EDA: variants seen among roughly 807,000 people sequenced by gnomAD.
The protein encoded by EDA is ectodysplasin A, also known as ectodysplasin-A.
Under a neutral mutation model 23.6 loss-of-function variants are expected in EDA, and 2 were observed. The ratio of observed to expected loss-of-function variants is 0.08; its 90% CI spans 0.03 to 0.27. The LOEUF is 0.27. Among genes scored for constraint, EDA ranks in the 10% least tolerant of loss-of-function variants. EDA has a pLI of 1.00. For missense variants in EDA, 229 were observed against 324.2 expected (o/e 0.71, Z 2.26); for synonymous variants, 131 against 132.0 (o/e 0.99, Z 0.05).
At chrX:69,725,503 C>G (rs1043757927) in intron 1 of EDA, among the ~76,000 whole-genome samples, 1 of 112,520 alleles carries the variant, frequency 8.9e-6, no homozygotes, top group Admixed American at 9.4e-5. Context: ...CCTCTACACA[C>G]CTCTAGTCAC....
At chrX:69,978,318 T>TAAAAAAA (rs144187734) in intron 2 of EDA, among the ~76,000 whole-genome samples, 13 of 20,423 alleles carry the variant, frequency 6.4e-4, no homozygotes, top group African/African-American at 1.1e-3. Context: ...ACTCCATCTC[T>TAAAAAAA]AAAAAAAAAA....
At chrX:69,722,427 C>T (rs1039383827) in intron 1 of EDA, among the ~76,000 whole-genome samples, 1 of 110,260 alleles carries the variant, frequency 9.1e-6, no homozygotes, top group Non-Finnish European at 1.9e-5. Flanking sequence ...AGGATGGTCT[C>T]GATCTCCTGA....
At chrX:69,732,853 A>G (rs1249502033) in intron 1 of EDA, among the ~76,000 whole-genome samples, 6 of 112,509 alleles carry the variant, frequency 5.3e-5, no homozygotes, top group Admixed American at 4.7e-4. Flanking sequence ...ATGGCCAGTG[A>G]TAATGAGCAT....
At chrX:69,942,572 G>A (rs187068391) in intron 1 of EDA, among the ~76,000 whole-genome samples, 1 of 111,168 alleles carries the variant, frequency 9.0e-6, no homozygotes, top group Non-Finnish European at 1.9e-5. Flanking sequence ...GATGTATACA[G>A]CTCCATTGTT....
chrX:69,715,205 G>T (rs939632155), intron 1 of EDA, among the ~76,000 whole-genome samples: 1 of 108,616 alleles, frequency 9.2e-6, no homozygotes, highest in African/African-American at 3.4e-5. Flanking sequence ...AGCCTAGTAC[G>T]CAAGAGTTAT....
intron 1 of EDA, among the ~76,000 whole-genome samples, chrX:69,747,089 C>T (rs1030127572): frequency 1.2e-4 from 13 of 111,561 alleles, no homozygotes; most frequent in Non-Finnish European, 2.1e-4. Context: ...CATAGTCCTA[C>T]TGGGAGAGGC....
intron 1 of EDA, among the ~76,000 whole-genome samples, chrX:69,686,288 C>T (rs778591045): frequency 1.7e-3 from 194 of 112,439 alleles, no homozygotes; most frequent in Non-Finnish European, 2.7e-3. Flanking sequence ...TGAGCCACCG[C>T]GCCCAGCCTG....
At chrX:69,822,143 C>T (rs1252863392) in intron 1 of EDA, among the ~76,000 whole-genome samples, 1 of 110,295 alleles carries the variant, frequency 9.1e-6, no homozygotes, top group African/African-American at 3.3e-5. Context: ...AAATTAGTTA[C>T]GTATGGTGGT....
At chrX:69,958,127 C>G (rs1464741487) in intron 2 of EDA, among the ~76,000 whole-genome samples, 1 of 111,863 alleles carries the variant, frequency 8.9e-6, no homozygotes, top group African/African-American at 3.2e-5. Flanking sequence ...AAATGTTGAG[C>G]TAGCTCCTGG....
At chrX:69,952,462 A>G (rs2018941493) in intron 1 of EDA, among the ~76,000 whole-genome samples, 1 of 111,462 alleles carries the variant, frequency 9.0e-6, no homozygotes, top group Non-Finnish European at 1.9e-5. Context: ...AATTACAAGA[A>G]CAGCAGGGAA....
At chrX:69,724,627 C>T (rs896879808) in intron 1 of EDA, among the ~76,000 whole-genome samples, 2 of 111,681 alleles carry the variant, frequency 1.8e-5, no homozygotes, top group Non-Finnish European at 3.8e-5. Context: ...TTCTCCCTGT[C>T]AGTTTATGTA....
intron 1 of EDA, among the ~76,000 whole-genome samples, chrX:69,633,403 A>G (rs915611100): frequency 1.8e-5 from 2 of 112,069 alleles, no homozygotes; most frequent in African/African-American, 6.5e-5. Flanking sequence ...AGTGTACAAA[A>G]CACTAGTTTT....
At chrX:69,964,162 C>T (rs1292250898) in intron 2 of EDA, among the ~76,000 whole-genome samples, 1 of 111,286 alleles carries the variant, frequency 9.0e-6, no homozygotes, top group Non-Finnish European at 1.9e-5. Context: ...TCCAGCTCTG[C>T]CATTAGTAGT....
At chrX:69,678,013 G>A (rs1295652824) in intron 1 of EDA, among the ~76,000 whole-genome samples, 3 of 111,035 alleles carry the variant, frequency 2.7e-5, no homozygotes, top group African/African-American at 9.8e-5. Context: ...GTGTAAGGAA[G>A]GGACCCAGTT....
intron 1 of EDA, among the ~76,000 whole-genome samples, chrX:69,726,691 A>G: frequency 8.9e-6 from 1 of 112,327 alleles, no homozygotes; most frequent in Non-Finnish European, 1.9e-5. Flanking sequence ...TCCAAGATCA[A>G]GGTTCTAGAA....
At chrX:69,919,729 G>A (rs1262712493) in intron 1 of EDA, among the ~76,000 whole-genome samples, 1 of 112,093 alleles carries the variant, frequency 8.9e-6, no homozygotes, top group Admixed American at 9.5e-5. Context: ...AGAAGTCATA[G>A]TATTTGTGTT....
At chrX:69,772,861 G>A (rs1417998906) in intron 1 of EDA, among the ~76,000 whole-genome samples, 3 of 111,551 alleles carry the variant, frequency 2.7e-5, no homozygotes, top group Admixed American at 9.5e-5. Flanking sequence ...TATTGACTAC[G>A]TTGTCTTTAT....
chrX:69,720,139 GTTGATGTTTGTATGGTGTATTTT>G (rs1201160030), intron 1 of EDA, among the ~76,000 whole-genome samples: 2 of 111,747 alleles, frequency 1.8e-5, no homozygotes, highest in African/African-American at 6.5e-5. Context: ...TAAACATGCA[GTTGATGTTTGTATGGTGTATTTT>G]TTCATTTTAT....
intron 1 of EDA, among the ~76,000 whole-genome samples, chrX:69,819,426 A>G (rs1348118783): frequency 1.8e-5 from 2 of 112,301 alleles, no homozygotes; most frequent in Non-Finnish European, 3.8e-5. Flanking sequence ...GGAAGAGATG[A>G]AGTCAAATTA....
Sources: allele counts gnomAD v4.1 joint callset (sites outside exome capture counted in the v4.1 genomes callset), GRCh38; gene constraint gnomAD v4.1.1; transcripts MANE v1.5; gene names NCBI Gene and HGNC (gene_info 2026-07-23, HGNC 2026-07-21).